The following VPS8 variants were observed in gnomAD, a reference collection of about 807,000 sequenced individuals.
VPS8 encodes vacuolar protein sorting-associated protein 8 homolog.
A neutral mutation model predicts 216.4 loss-of-function variants in VPS8; 129 were observed. The ratio of observed to expected loss-of-function variants is 0.60; its 90% CI spans 0.52 to 0.69. VPS8 has a LOEUF of 0.69. Among genes scored for constraint, VPS8 ranks in the 30% least tolerant of loss-of-function variants. The probability of loss-of-function intolerance (pLI) is 0.00; values close to 1 mark genes in which losing one functional copy is unlikely to be tolerated. For synonymous variants in VPS8, 571 were observed against 565.4 expected (o/e 1.01, Z -0.14); for missense variants, 1,531 against 1,683.5 (o/e 0.91, Z 1.59).
chr3:184,849,652 T>G (rs1723890125), intron 9 of VPS8: 2 of 410,560 alleles, frequency 4.9e-6, no homozygotes, highest in South Asian at 5.9e-5. Context: ...TTACTAGTGC[T>G]AAACAGATTG....
At chr3:184,920,891 C>T (rs1738491921) in intron 29 of VPS8, among the ~76,000 whole-genome samples, 1 of 152,182 alleles carries the variant, frequency 6.6e-6, no homozygotes, top group South Asian at 2.1e-4. Flanking sequence ...TCTAGTTGTG[C>T]ATAACATCAA....
At chr3:184,892,365 T>C (rs1175698378) in intron 22 of VPS8, among the ~76,000 whole-genome samples, 1 of 152,128 alleles carries the variant, frequency 6.6e-6, no homozygotes, top group Non-Finnish European at 1.5e-5. Flanking sequence ...TACAGGCGCG[T>C]GCCACCATAC....
intron 23 of VPS8, among the ~76,000 whole-genome samples, chr3:184,897,846 C>T (rs892044813): frequency 5.9e-5 from 9 of 152,088 alleles, no homozygotes; most frequent in African/African-American, 1.9e-4. Flanking sequence ...TAGTCCTCTT[C>T]CTAAATATTT....
intron 46 of VPS8, among the ~76,000 whole-genome samples, chr3:185,037,728 T>C (rs1017502135): frequency 1.3e-5 from 2 of 152,186 alleles, no homozygotes; most frequent in Non-Finnish European, 2.9e-5. Flanking sequence ...TTCTGCTGGC[T>C]CAAATCTCCT....
intron 1 of VPS8, among the ~76,000 whole-genome samples, chr3:184,819,004 A>G (rs888598076): frequency 6.6e-6 from 1 of 151,448 alleles, no homozygotes; most frequent in African/African-American, 2.4e-5. Flanking sequence ...CCCATCTCTT[A>G]AAAAAAAACT....
chr3:184,986,305 A>T lies in VPS8; in HGVS notation c.3585+3211A>T, dbSNP rs1321106246. On this transcript the variant is annotated intron_variant, in intron 42 of 47. Transcript: ENST00000625842. Reference sequence around the variant, plus strand: ...CAAGTTTTTTAAGTGTGCTCAGAACATAGGATAAGAATAAAGAAAAATTAC... The same window carrying T: ...CAAGTTTTTTAAGTGTGCTCAGAACTTAGGATAAGAATAAAGAAAAATTAC... Among the ~76,000 whole-genome samples the T allele has an allele frequency of 1.3e-5, 2 of 152,336 alleles. 1 individual carries two copies. The highest frequency in any genetic ancestry group is 4.1e-4 in the South Asian group (2 of 4,824).
intron 42 of VPS8, among the ~76,000 whole-genome samples, chr3:184,983,541 T>C (rs1390561658): frequency 6.6e-6 from 1 of 152,240 alleles, no homozygotes; most frequent in African/African-American, 2.4e-5. Context: ...TCCTTGACTC[T>C]AAATTCTAGC....
At chr3:184,995,139 C>T (rs1156712475) in intron 43 of VPS8, among the ~76,000 whole-genome samples, 1 of 152,156 alleles carries the variant, frequency 6.6e-6, no homozygotes, top group African/African-American at 2.4e-5. Context: ...ATTAGTCTTC[C>T]CTTAACTCAA....
chr3:184,815,110 A>G (rs1026390808), intron 1 of VPS8, among the ~76,000 whole-genome samples: 3 of 152,218 alleles, frequency 2.0e-5, no homozygotes, highest in African/African-American at 7.2e-5. Flanking sequence ...GGGAACTGTC[A>G]TCTCTTATGA....
At chr3:184,889,544 C>A (rs895827713) in intron 22 of VPS8, among the ~76,000 whole-genome samples, 1 of 152,070 alleles carries the variant, frequency 6.6e-6, no homozygotes, top group African/African-American at 2.4e-5. Flanking sequence ...TTTTCTAACA[C>A]CGAAGACTAG....
intron 46 of VPS8, among the ~76,000 whole-genome samples, chr3:185,031,341 A>G (rs140635542): frequency 6.6e-6 from 1 of 152,170 alleles, no homozygotes; most frequent in South Asian, 2.1e-4. Flanking sequence ...GTTCTCATAA[A>G]CAACAAAATG....
intron 46 of VPS8, among the ~76,000 whole-genome samples, chr3:185,032,669 C>CT (rs1300662389): frequency 7.8e-4 from 114 of 147,094 alleles, no homozygotes; most frequent in African/African-American, 2.1e-3. Context: ...AATTAATAGC[C>CT]TTTTTTTTTT....
At chr3:184,888,088 C>T (rs893327221) in intron 22 of VPS8, among the ~76,000 whole-genome samples, 10 of 151,522 alleles carry the variant, frequency 6.6e-5, no homozygotes, top group East Asian at 1.9e-4. Flanking sequence ...CCTGGGTTCA[C>T]GCCATTCTCC....
intron 37 of VPS8, among the ~76,000 whole-genome samples, chr3:184,960,181 T>C (rs1454890013): frequency 7.2e-5 from 11 of 152,228 alleles, no homozygotes; most frequent in Admixed American, 7.2e-4. Flanking sequence ...TCCTTTATTA[T>C]GGCTGCATTG....
At chr3:184,827,990 G>T (rs1255327627) in intron 3 of VPS8, among the ~76,000 whole-genome samples, 1 of 152,072 alleles carries the variant, frequency 6.6e-6, no homozygotes, top group Admixed American at 6.6e-5. Context: ...TAAAGAAAAT[G>T]ACTGAAGGAA....
intron 6 of VPS8, 110 bp from the exon 7 acceptor site, chr3:184,839,588 T>A: frequency 9.9e-7 from 1 of 1,009,182 alleles, no homozygotes; most frequent in South Asian, 1.6e-5. Context: ...TTTACAATAG[T>A]TTGTATGTCA....
chr3:184,834,535 A>T, intron 4 of VPS8, 114 bp from the exon 5 acceptor site: 1 of 765,874 alleles, frequency 1.3e-6, no homozygotes, highest in Non-Finnish European at 2.0e-6. Flanking sequence ...CTAACAAATT[A>T]CATACAATGT....
chr3:185,029,084 C>A (rs1042871212), intron 46 of VPS8, among the ~76,000 whole-genome samples: 2 of 152,162 alleles, frequency 1.3e-5, no homozygotes, highest in Non-Finnish European at 2.9e-5. Context: ...TGAGATTTAC[C>A]TGAAGATCAA....
At chr3:184,926,542 T>G in intron 30 of VPS8, 52 bp from the exon 31 acceptor site, 1 of 1,502,698 alleles carries the variant, frequency 6.7e-7, no homozygotes, top group South Asian at 1.2e-5. Flanking sequence ...ATTATGAGAG[T>G]ATTAATGTCT....
Sources: gnomAD v4.1 joint callset for allele counts (sites outside exome capture counted in the v4.1 genomes callset) on GRCh38, gnomAD v4.1.1 for gene constraint, MANE v1.5 for transcripts, NCBI Gene and HGNC (gene_info 2026-07-23, HGNC 2026-07-21) for gene names.